The following ZNF765 variants were observed in gnomAD, a reference collection of about 807,000 sequenced individuals.
The protein encoded by ZNF765 is zinc finger protein 765.
In ZNF765, 37 loss-of-function variants were observed where a neutral mutation model predicts 44.7. That is an observed-to-expected ratio of 0.83 (90% CI 0.64 to 1.09). The LOEUF is 1.09. Ranked by LOEUF, ZNF765 falls within the 50% of genes least tolerant of loss-of-function variation. The pLI is 0.00. For synonymous variants in ZNF765, 201 were observed against 213.7 expected (o/e 0.94, Z 0.52); for missense variants, 594 against 626.1 (o/e 0.95, Z 0.55).
At chr19:53,404,781 C>T (rs778633310) in intron 3 of ZNF765, among the ~76,000 whole-genome samples, 5 of 152,108 alleles carry the variant, frequency 3.3e-5, no homozygotes, top group Admixed American at 2.6e-4. Flanking sequence ...TTTTAAAACA[C>T]GTAATTGCTA....
chr19:53,396,205 C>T (rs933453537), intron 1 of ZNF765, among the ~76,000 whole-genome samples: 9 of 151,892 alleles, frequency 5.9e-5, no homozygotes, highest in African/African-American at 2.2e-4. Flanking sequence ...AGAAGCACAG[C>T]AGGGAGGACA....
In ZNF765 at chr19:53,407,626, C is replaced by A; in HGVS notation, c.143-72C>A. The A allele has an allele frequency of 4.3e-6, 5 of 1,154,600 alleles. No individual in the cohort carries two copies. The South Asian group carries it at 6.5e-5, about 15-fold the overall frequency. 71.5% of individuals were successfully genotyped at this position (1,154,600 alleles called of 1,614,324 possible). A position where few individuals can be genotyped will look rare whatever the true frequency, so the allele number is the denominator to read the frequency against. On this transcript the variant is annotated intron_variant, in intron 3 of 3. Coordinates refer to ENST00000396408, the MANE Select transcript of ZNF765 (RefSeq NM_001040185.3). ...TTAAAATAAGTATTGTTTTTTGTGT[C>A]ATATTTACACATTTCAGCATTATTT...
At chr19:53,405,329 G>A (rs959198674) in intron 3 of ZNF765, among the ~76,000 whole-genome samples, 2 of 152,094 alleles carry the variant, frequency 1.3e-5, no homozygotes, top group African/African-American at 2.4e-5. Flanking sequence ...TCCAGTCCAG[G>A]CAACAAAGTA....
downstream of ZNF765, among the ~76,000 whole-genome samples, chr19:53,413,962 C>T (rs1198653722): frequency 7.3e-6 from 1 of 136,724 alleles, no homozygotes; most frequent in Non-Finnish European, 1.5e-5. Flanking sequence ...ACATAGAGGC[C>T]GGGCACGGTG....
At chr19:53,404,129 G>A (rs1046852460) in intron 3 of ZNF765, among the ~76,000 whole-genome samples, 1 of 152,206 alleles carries the variant, frequency 6.6e-6, no homozygotes, top group Non-Finnish European at 1.5e-5. Context: ...CCATGCTGGA[G>A]TGCAATGGCA....
chr19:53,409,601 T>C lies in ZNF765; in HGVS notation c.*474T>C, dbSNP rs2085814262. 4 of 1,463,590 alleles carry C rather than the reference T, an allele frequency of 2.7e-6. No individual in the cohort carries two copies. In the Admixed American group the frequency reaches 6.8e-5, roughly 25 times the overall value. The allele number at this position is 1,463,590 out of a possible 1,614,324, so 90.7% of individuals were successfully genotyped here. A position where few individuals can be genotyped will look rare whatever the true frequency, so the allele number is the denominator to read the frequency against. The stretch of plus-strand genomic sequence containing the variant: ...TTGAAAGACAAAGGAGAATTCATAC[T>C]GGAGAGAAACCATACAAGTGTAATG... On this transcript the variant is annotated 3_prime_UTR_variant, in exon 4 of 4. Coordinates refer to ENST00000396408, the MANE Select transcript of ZNF765 (RefSeq NM_001040185.3).
intron 3 of ZNF765, among the ~76,000 whole-genome samples, chr19:53,405,339 A>C (rs1240494034): frequency 6.6e-6 from 1 of 152,122 alleles, no homozygotes; most frequent in East Asian, 1.9e-4. Flanking sequence ...GCAACAAAGT[A>C]AGACTCCGGG....
chr19:53,412,056 A>T (rs8111013), downstream of ZNF765: 137,957 of 167,682 alleles, frequency 0.82, 57,123 homozygotes, highest in Admixed American at 0.87. Flanking sequence ...TCTAGCTAGG[A>T]CAGCCAGTAT....
At chr19:53,421,010 A>T (rs1263778872) in intron 3 of ZNF765, among the ~76,000 whole-genome samples, 2 of 152,180 alleles carry the variant, frequency 1.3e-5, no homozygotes, top group Non-Finnish European at 2.9e-5. Context: ...AGAGGAAGGC[A>T]TCTGTCTCCA....
intron 1 of ZNF765, among the ~76,000 whole-genome samples, chr19:53,395,960 G>A (rs914800431): frequency 2.6e-5 from 4 of 151,278 alleles, no homozygotes; most frequent in African/African-American, 9.7e-5. Flanking sequence ...CAAAGTAGAG[G>A]ATGGGTGAGG....
Position 53,409,742 on chromosome 19 carries a change from C to T in ZNF765, c.*615C>T. 4 of 909,954 alleles carry T rather than the reference C, an allele frequency of 4.4e-6. 1 individual carries two copies. Among genetic ancestry groups the T allele is most frequent in the South Asian group, 3.9e-5 (3 of 77,042 alleles). 56.4% of individuals were successfully genotyped at this position (909,954 alleles called of 1,614,324 possible). On this transcript the variant is annotated 3_prime_UTR_variant, in exon 4 of 4. Transcript: ENST00000396408. ...CAAGACCTTTAGTCAGAACTCATAC[C>T]TTACATGCCATCATAGACTTCATAC...
downstream of ZNF765, among the ~76,000 whole-genome samples, chr19:53,414,456 CACACACACACACACACACACACACACA>C (rs2085858783): frequency 6.3e-5 from 1 of 15,792 alleles, no homozygotes; most frequent in African/African-American, 1.4e-4. Context: ...CACACACACA[CACACACACACACACACACACACACACA>C]CACACACCCC....
At chr19:53,412,248 T>C (rs939103363), downstream of ZNF765, among the ~76,000 whole-genome samples, 4 of 152,238 alleles carry the variant, frequency 2.6e-5, no homozygotes, top group African/African-American at 9.7e-5. Context: ...GATTTTGAAT[T>C]TTGTGAAATG....
chr19:53,401,771 GA>G (rs2147091125), intron 2 of ZNF765, among the ~76,000 whole-genome samples: 1 of 152,056 alleles, frequency 6.6e-6, no homozygotes, highest in South Asian at 2.1e-4. Flanking sequence ...AGCTATTCAG[GA>G]GGCTAAGGCA....
intron 1 of ZNF765, among the ~76,000 whole-genome samples, chr19:53,395,572 C>T (rs1285586845): frequency 6.6e-6 from 1 of 152,250 alleles, no homozygotes; most frequent in Non-Finnish European, 1.5e-5. Context: ...CGGCCCCAGC[C>T]CCAAGGAGGC....
intron 2 of ZNF765, among the ~76,000 whole-genome samples, chr19:53,398,556 A>G (rs1463655708): frequency 1.3e-5 from 2 of 152,214 alleles, no homozygotes; most frequent in Non-Finnish European, 2.9e-5. Flanking sequence ...GTTCATACAC[A>G]GACATGAATG....
chr19:53,415,283 G>A (rs887603365), downstream of ZNF765, among the ~76,000 whole-genome samples: 9 of 149,490 alleles, frequency 6.0e-5, no homozygotes, highest in Non-Finnish European at 8.9e-5. Flanking sequence ...AAAAAAAAAA[G>A]AAAAGAAAAA....
intron 3 of ZNF765, among the ~76,000 whole-genome samples, chr19:53,406,748 C>T (rs1186863757): frequency 6.6e-6 from 1 of 152,106 alleles, no homozygotes; most frequent in Admixed American, 6.6e-5. Context: ...AACCCTATCT[C>T]TACTAAAAAT....
downstream of ZNF765, among the ~76,000 whole-genome samples, chr19:53,416,968 C>T (rs10406740): frequency 0.043 from 6,548 of 152,122 alleles, 282 homozygotes; most frequent in African/African-American, 0.11. Context: ...CAGGCGCGCA[C>T]CACCACGTCC....
Sources: allele counts gnomAD v4.1 joint callset (sites outside exome capture counted in the v4.1 genomes callset), GRCh38; gene constraint gnomAD v4.1.1; transcripts MANE v1.5; gene names NCBI Gene and HGNC (gene_info 2026-07-23, HGNC 2026-07-21).